SNX13: variants seen among roughly 807,000 people sequenced by gnomAD.
SNX13 encodes the protein sorting nexin 13.
SNX13 carries 45 observed loss-of-function variants against 133.6 expected under a neutral mutation model. The ratio of observed to expected loss-of-function variants is 0.34; its 90% confidence interval spans 0.27 to 0.43. SNX13 has a LOEUF of 0.43. Among genes scored for constraint, SNX13 ranks in the 20% least tolerant of loss-of-function variants. The pLI, the probability that SNX13 is intolerant of heterozygous loss-of-function variation, is 1.00. For missense variants in SNX13, 1,032 were observed against 1,145.1 expected (o/e 0.90, Z 1.43); for synonymous variants, 414 against 373.9 (o/e 1.11, Z -1.24).
chr7:17,823,537 T>C (rs1787542070), intron 17 of SNX13, among the ~76,000 whole-genome samples: 1 of 152,206 alleles, frequency 6.6e-6, no homozygotes, highest in African/African-American at 2.4e-5. Context: ...CTAAGATTTG[T>C]ACTTTCTTTC....
intron 9 of SNX13, among the ~76,000 whole-genome samples, chr7:17,866,139 T>G (rs966869801): frequency 1.3e-5 from 2 of 151,976 alleles, no homozygotes; most frequent in African/African-American, 4.8e-5. Flanking sequence ...AATGTACAAA[T>G]GAGATCACAT....
chr7:17,856,006 CAGA>C (rs1161304817), intron 9 of SNX13, among the ~76,000 whole-genome samples: 1 of 152,176 alleles, frequency 6.6e-6, no homozygotes, highest in East Asian at 1.9e-4. Context: ...TCAACATTCA[CAGA>C]AGATTGGCAG....
chr7:17,897,772 C>A (rs1479061252), intron 1 of SNX13: 1 of 165,042 alleles, frequency 6.1e-6, no homozygotes, highest in Non-Finnish European at 1.3e-5. Flanking sequence ...AAAGTATGTA[C>A]AAAAACATCT....
At position 17,908,136 on chromosome 7, in the gene SNX13, A is replaced by G. The variant is rs144899433; in HGVS notation, c.13-10690T>C. ...AAAAGGAGGCATCAATACCTACCCAATTACTGAGAAGAGAAATTCTAGAGT... is the reference window on the plus strand; with the variant it reads ...AAAAGGAGGCATCAATACCTACCCAGTTACTGAGAAGAGAAATTCTAGAGT... On this transcript the variant is annotated intron_variant, in intron 1 of 25. Coordinates refer to ENST00000428135, the MANE Select transcript of SNX13 (RefSeq NM_015132.5). Among the ~76,000 whole-genome samples, 33 of 152,258 alleles carry G rather than the reference A, an allele frequency of 2.2e-4. No homozygotes were observed. The East Asian group carries it at 5.4e-3, about 25-fold the overall frequency.
rs186414569 is a variant in SNX13 at position 17,912,474 on chromosome 7, A to G, written c.13-15028T>C. ...GCCCAGGTTGGAGTGCCGTGGCATG[A>G]TCTTGACTCACTGCAACCTCCTGCC... On this transcript the variant is annotated intron_variant, in intron 1 of 25. Coordinates refer to ENST00000428135, the MANE Select transcript of SNX13 (RefSeq NM_015132.5). 3.4e-4 allele frequency among the ~76,000 whole-genome samples: 51 copies of G among 151,498 alleles called. No individual in the cohort carries two copies. The East Asian group carries it at 9.8e-3, about 29-fold the overall frequency.
At chr7:17,796,757 G>T in intron 25 of SNX13, 70 bp downstream of exon 25, 1 of 1,092,790 alleles carries the variant, frequency 9.2e-7, no homozygotes, top group Non-Finnish European at 1.4e-6. Context: ...AGTTACACTG[G>T]CATGATGAAT....
chr7:17,794,010 G>C lies in SNX13; in HGVS notation c.*35C>G, dbSNP rs376757190. ...AAGATCTGTCCATACCATTAGTCCT[G>C]GACAAAATGAACACCAGCTTCATAG... On this transcript the variant is annotated 3_prime_UTR_variant, in exon 26 of 26. Transcript: ENST00000428135. 6.2e-7 allele frequency: 1 copy of C among 1,603,718 alleles called. No homozygotes were observed. The highest frequency in any genetic ancestry group is 8.5e-7 in the Non-Finnish European group (1 of 1,174,442).
At chr7:17,798,781 G>A in intron 23 of SNX13, 23 bp from the exon 24 acceptor site, 15 of 1,507,370 alleles carry the variant, frequency 1.0e-5, no homozygotes, top group Non-Finnish European at 1.3e-5. Flanking sequence ...TAATGTAAAT[G>A]AGGAAGGTTA....
rs1048192796 is a variant in SNX13 at position 17,833,947 on chromosome 7, T to C, written c.1597+105A>G. 6.3e-6 allele frequency: 5 copies of C among 795,508 alleles called. No homozygotes were observed. In the South Asian group the frequency reaches 2.6e-4, roughly 41 times the overall value. 49.3% of individuals were successfully genotyped at this position (795,508 alleles called of 1,614,324 possible). Reference sequence around the variant, plus strand: ...AGATTTTTTAATATATTACAGTTTATATTTGGACTCCAACAACATTTTTAA... The same window carrying C: ...AGATTTTTTAATATATTACAGTTTACATTTGGACTCCAACAACATTTTTAA... On this transcript the variant is annotated intron_variant, in intron 15 of 25. Coordinates refer to ENST00000428135, the MANE Select transcript of SNX13 (RefSeq NM_015132.5).
intron 9 of SNX13, among the ~76,000 whole-genome samples, chr7:17,867,924 G>C (rs1397281296): frequency 6.6e-6 from 1 of 152,072 alleles, no homozygotes; most frequent in Non-Finnish European, 1.5e-5. Flanking sequence ...TGATATGTCT[G>C]ACAGAAGAAA....
In SNX13 at chr7:17,834,865, C is replaced by A; in HGVS notation, c.1360G>T (p.Ala454Ser). 1 of 1,561,724 alleles carries A rather than the reference C, an allele frequency of 6.4e-7. No individual in the cohort carries two copies. The stretch of plus-strand genomic sequence containing the variant: ...TCATCAACAGTAACTCTTGGAGATG[C>A]CTAACAGAGAAAAATAATAGTAATG... ...GIYEQYLSEK[A>S]SPRVTVDDYL... Residue 454 changes from alanine (A) to serine (S), a missense_variant and splice_region_variant, in exon 14 of 26, where the codon GCA becomes TCA. By Grantham distance (99) the Ala-to-Ser change is moderately conservative. Transcript: ENST00000428135.
At chr7:17,879,100 C>T (rs1355122879) in intron 5 of SNX13, among the ~76,000 whole-genome samples, 1 of 152,196 alleles carries the variant, frequency 6.6e-6, no homozygotes, top group African/African-American at 2.4e-5. Flanking sequence ...CCAAACTTTC[C>T]ACTTTTTATA....
chr7:17,926,553 C>G (rs1189681198), intron 1 of SNX13, among the ~76,000 whole-genome samples: 1 of 152,086 alleles, frequency 6.6e-6, no homozygotes, highest in Non-Finnish European at 1.5e-5. Context: ...ATATTATAAT[C>G]CATGAGTAAA....
chr7:17,925,956 G>A (rs11768866), intron 1 of SNX13, among the ~76,000 whole-genome samples: 58,570 of 152,034 alleles, frequency 0.39, 12,831 homozygotes, highest in Non-Finnish European at 0.48. Context: ...GGGAATTGCC[G>A]ATAATTTTAC....
chr7:17,832,957 G>T (rs1311427344), intron 15 of SNX13, among the ~76,000 whole-genome samples: 1 of 151,386 alleles, frequency 6.6e-6, no homozygotes, highest in African/African-American at 2.4e-5. Flanking sequence ...CATAATAAAG[G>T]TATTTTTTAA....
At chr7:17,922,421 T>C (rs1344425497) in intron 1 of SNX13, among the ~76,000 whole-genome samples, 1 of 152,234 alleles carries the variant, frequency 6.6e-6, no homozygotes, top group Non-Finnish European at 1.5e-5. Flanking sequence ...ATAAACTGTG[T>C]ATGTTTTGTT....
chr7:17,889,212 C>G (rs1035237713), intron 5 of SNX13: 1 of 152,550 alleles, frequency 6.6e-6, no homozygotes, highest in Non-Finnish European at 1.5e-5. Context: ...CACAGTGAGT[C>G]TGCATCTGTA....
intron 9 of SNX13, among the ~76,000 whole-genome samples, chr7:17,868,035 C>T (rs999093516): frequency 5.9e-5 from 9 of 152,008 alleles, no homozygotes; most frequent in African/African-American, 1.7e-4. Flanking sequence ...CATATTTTCC[C>T]CATTATACAG....
At chr7:17,904,641 C>G (rs1798203461) in intron 1 of SNX13, among the ~76,000 whole-genome samples, 1 of 152,152 alleles carries the variant, frequency 6.6e-6, no homozygotes, top group African/African-American at 2.4e-5. Context: ...CTTATATTCA[C>G]CTGGTATATT....
Sources: gnomAD v4.1 joint callset for allele counts (sites outside exome capture counted in the v4.1 genomes callset) on GRCh38, gnomAD v4.1.1 for gene constraint, MANE v1.5 for transcripts, NCBI Gene and HGNC (gene_info 2026-07-23, HGNC 2026-07-21) for gene names.